Variants in UBXN2A observed in about 807,000 individuals in gnomAD.
The protein encoded by UBXN2A is UBX domain protein 2A.
A neutral mutation model predicts 28.4 loss-of-function variants in UBXN2A; 28 were observed. That is an observed-to-expected ratio of 0.99 (90% CI 0.73 to 1.35). The LOEUF (loss-of-function observed/expected upper bound fraction) is 1.35. UBXN2A is among the 40% of genes most tolerant of loss of function. The pLI, the probability that UBXN2A is intolerant of heterozygous loss-of-function variation, is 0.00. For missense variants in UBXN2A, 253 were observed against 297.9 expected, an observed-to-expected ratio of 0.85 and a Z score of 1.11; for synonymous variants, 97 against 103.6, an observed-to-expected ratio of 0.94 and a Z score of 0.39.
intron 1 of UBXN2A, among the ~76,000 whole-genome samples, chr2:23,949,583 G>A (rs1299000932): frequency 6.6e-6 from 1 of 150,916 alleles, no homozygotes; most frequent in Admixed American, 6.6e-5. Context: ...ATAAAAATAA[G>A]TTTATTTATA....
rs1366253138 is a variant in UBXN2A, at chr2:24,000,897, C to G, written c.*1030C>G. 1.3e-5 allele frequency: 2 copies of G among 152,226 alleles called. No individual in the cohort carries two copies. Among genetic ancestry groups the G allele is most frequent in the Middle Eastern group, 3.4e-3 (1 of 294 alleles). 9.4% of individuals were successfully genotyped at this position (152,226 alleles called of 1,614,324 possible). A position where few individuals can be genotyped will look rare whatever the true frequency, so the allele number is the denominator to read the frequency against. On this transcript the variant is annotated 3_prime_UTR_variant, in exon 7 of 7. Coordinates refer to ENST00000309033, the MANE Select transcript of UBXN2A (RefSeq NM_181713.4). ...GTTTTTGGCTAACATTTGGGATTAG[C>G]CATTCATTTGCCACCACTCACTTAG...
Position 23,991,406 on chromosome 2 carries a change from TAC to T in UBXN2A, c.584+6599_584+6600del, listed in dbSNP as rs371442810. 7.9e-3 allele frequency among the ~76,000 whole-genome samples: 1,173 copies of T among 148,328 alleles called. 13 individuals are homozygous for T. Among genetic ancestry groups the T allele is most frequent in the African/African-American group, 0.02 (827 of 40,586 alleles). On this transcript the variant is annotated intron_variant, in intron 6 of 6. Coordinates refer to ENST00000309033, the MANE Select transcript of UBXN2A (RefSeq NM_181713.4). ...GCATGTGATTTTATATTTTATTTTA[TAC>T]ACACACACACACACACACACACATA...
At chr2:23,945,702 G>C (rs1042354107) in intron 1 of UBXN2A, among the ~76,000 whole-genome samples, 1 of 151,854 alleles carries the variant, frequency 6.6e-6, no homozygotes, top group Admixed American at 6.6e-5. Context: ...CCAGTTTTTT[G>C]TTTGTTTTTG....
rs757176118 is a variant in UBXN2A, at chr2:23,976,999, G to A, written c.211G>A (p.Gly71Arg). The A allele has an allele frequency of 8.1e-6, 13 of 1,611,700 alleles. No individual in the cohort carries two copies. The highest frequency in any genetic ancestry group is 2.2e-5 in the East Asian group (1 of 44,830). ...VDVNIKLWKN[G>R]FTVNDDFRSY... is the part of the protein sequence containing the mutation. Reference sequence around the variant, plus strand: ...TGTAAATATAAAATTATGGAAAAACGGATTCACCGTCAACGACGATTTCAG... The same window carrying A: ...TGTAAATATAAAATTATGGAAAAACAGATTCACCGTCAACGACGATTTCAG... The change falls in exon 4 of 7, where the codon GGA (glycine) becomes AGA (arginine). Residue 71 changes from glycine (G) to arginine (R), a missense_variant. By Grantham distance (125) the Gly-to-Arg change is moderately radical (BLOSUM62 -2). Transcript: ENST00000309033.
intron 1 of UBXN2A, among the ~76,000 whole-genome samples, chr2:23,931,244 C>T (rs1705359302): frequency 6.6e-6 from 1 of 152,026 alleles, no homozygotes; most frequent in Non-Finnish European, 1.5e-5. Context: ...GCCAGGAGTT[C>T]AAGATCAGCC....
chr2:23,976,181 A>T lies in UBXN2A; in HGVS notation c.181-788A>T, dbSNP rs375150776. On this transcript the variant is annotated intron_variant, in intron 3 of 6. Coordinates refer to ENST00000309033, the MANE Select transcript of UBXN2A (RefSeq NM_181713.4). ...TAAATCAATTGTTATTTATATCTGT[A>T]AAAGTGTAAATACTGTACAGCATAA... Among the ~76,000 whole-genome samples the T allele has an allele frequency of 1.1e-3, 165 of 152,294 alleles. 6 individuals are homozygous for T. The South Asian group carries it at 0.033, about 31-fold the overall frequency.
At chr2:23,938,541 T>TGG (rs1445296647), upstream of UBXN2A, among the ~76,000 whole-genome samples, 2 of 145,074 alleles carry the variant, frequency 1.4e-5, no homozygotes, top group Non-Finnish European at 1.5e-5. Flanking sequence ...AAAATCCCAG[T>TGG]GGCCCCCCCC....
At chr2:23,938,973 A>T (rs1705621513), upstream of UBXN2A, among the ~76,000 whole-genome samples, 1 of 152,194 alleles carries the variant, frequency 6.6e-6, no homozygotes. Context: ...ATGAGCAGTG[A>T]GATTTGAACT....
intron 2 of UBXN2A, among the ~76,000 whole-genome samples, chr2:23,963,407 C>T (rs998960299): frequency 2.7e-5 from 4 of 147,830 alleles, no homozygotes; most frequent in Non-Finnish European, 3.0e-5. Flanking sequence ...CCCAACTACT[C>T]GGGGGGCTGA....
At chr2:23,986,613 CT>C (rs1240438686) in intron 6 of UBXN2A, among the ~76,000 whole-genome samples, 694 of 137,604 alleles carry the variant, frequency 5.0e-3, no homozygotes, top group East Asian at 0.018. Flanking sequence ...TTCCTAAAAG[CT>C]TTTTTTTTTT....
chr2:23,967,820 A>G (rs1422682716), intron 2 of UBXN2A, among the ~76,000 whole-genome samples: 1 of 152,200 alleles, frequency 6.6e-6, no homozygotes, highest in Non-Finnish European at 1.5e-5. Flanking sequence ...GATGATATGG[A>G]GTATTTTAAG....
intron 6 of UBXN2A, 37 bp downstream of exon 6, chr2:23,984,868 C>T (rs570286124): frequency 9.8e-6 from 15 of 1,526,884 alleles, no homozygotes; most frequent in African/African-American, 1.5e-5. Flanking sequence ...ATTTTTTCAC[C>T]AAGTTAAAAT....
At chr2:23,984,650 C>A in intron 5 of UBXN2A, 23 bp from the exon 6 acceptor site, 1 of 1,442,442 alleles carries the variant, frequency 6.9e-7, no homozygotes, top group South Asian at 1.7e-5. Flanking sequence ...AAACGTCTAA[C>A]TTTGTTGTCT....
chr2:23,970,457 G>C (rs1244199319), intron 2 of UBXN2A, among the ~76,000 whole-genome samples: 1 of 152,010 alleles, frequency 6.6e-6, no homozygotes, highest in Non-Finnish European at 1.5e-5. Context: ...CCTACTTGTT[G>C]TATCTCATGG....
chr2:23,986,552 CAG>C (rs1708140643), intron 6 of UBXN2A, among the ~76,000 whole-genome samples: 1 of 150,884 alleles, frequency 6.6e-6, no homozygotes, highest in African/African-American at 2.4e-5. Flanking sequence ...TTCCACCACT[CAG>C]AGATAATCAA....
At chr2:23,952,467 CAG>C (rs1164005153) in intron 1 of UBXN2A, among the ~76,000 whole-genome samples, 1 of 151,824 alleles carries the variant, frequency 6.6e-6, no homozygotes, top group African/African-American at 2.4e-5. Flanking sequence ...TTTTTTGAGA[CAG>C]AGTCTTTCCC....
rs373896704 is a variant in UBXN2A, at chr2:23,946,658, A to G, written c.-15+6010A>G. ...TTTAGTAGAGATGGAGTTTCACCAT[A>G]TTGGCCAGGCTGGTCTTGAACTTCT... is the stretch of plus-strand genomic sequence containing the variant. On this transcript the variant is annotated intron_variant, in intron 1 of 6. Transcript: ENST00000309033. 1.6e-4 allele frequency among the ~76,000 whole-genome samples: 25 copies of G among 151,702 alleles called. No homozygotes were observed. In the South Asian group the frequency reaches 5.2e-3, roughly 32 times the overall value.
At chr2:23,935,043 C>G (rs939742175) in intron 1 of UBXN2A, among the ~76,000 whole-genome samples, 35 of 152,048 alleles carry the variant, frequency 2.3e-4, no homozygotes, top group African/African-American at 8.2e-4. Context: ...CCACTGCACT[C>G]CAGCCCAAGC....
At chr2:23,982,220 A>G (rs1282511406) in intron 4 of UBXN2A, among the ~76,000 whole-genome samples, 2 of 149,970 alleles carry the variant, frequency 1.3e-5, no homozygotes, top group African/African-American at 2.4e-5. Flanking sequence ...AAAAAAAATT[A>G]ACTGGGCGTG....
Sources: gnomAD v4.1 joint callset for allele counts (sites outside exome capture counted in the v4.1 genomes callset) on GRCh38, gnomAD v4.1.1 for gene constraint, MANE v1.5 for transcripts, NCBI Gene and HGNC (gene_info 2026-07-23, HGNC 2026-07-21) for gene names.